Variants in IRAG2 observed in about 807,000 individuals in gnomAD.
The protein encoded by IRAG2 is inositol 1,4,5-triphosphate receptor associated 2.
A neutral mutation model predicts 69.9 loss-of-function variants in IRAG2; 45 were observed. The ratio of observed to expected loss-of-function variants is 0.64; its 90% CI spans 0.51 to 0.83. The LOEUF is 0.83. Ranked by LOEUF, IRAG2 falls within the 40% of genes least tolerant of loss-of-function variation. The pLI, the probability that IRAG2 is intolerant of heterozygous loss-of-function variation, is 0.00. For synonymous variants in IRAG2, 193 were observed against 202.4 expected (o/e 0.95, Z 0.40); for missense variants, 520 against 587.0 (o/e 0.89, Z 1.18).
intron 10 of IRAG2, among the ~76,000 whole-genome samples, chr12:25,084,648 C>A (rs1477549900): frequency 6.6e-6 from 1 of 151,768 alleles, no homozygotes; most frequent in African/African-American, 2.4e-5. Flanking sequence ...CCCATGCAAG[C>A]TAACTCAAGT....
chr12:25,105,426 GTTTA>G (rs1264122453), intron 20 of IRAG2, among the ~76,000 whole-genome samples: 4 of 151,982 alleles, frequency 2.6e-5, no homozygotes, highest in Non-Finnish European at 4.4e-5. Flanking sequence ...ATGATTTTAT[GTTTA>G]TTTATTTTAT....
At chr12:24,998,419 C>T in the IRAG2 span, among the ~76,000 whole-genome samples, 8 of 152,208 alleles carry the variant, frequency 5.3e-5, no homozygotes, top group South Asian at 2.1e-4. Flanking sequence ...ATCCTAGAAA[C>T]GGCAGGAAGA....
chr12:25,084,803 T>C (rs999398334), intron 10 of IRAG2, among the ~76,000 whole-genome samples: 1 of 152,246 alleles, frequency 6.6e-6, no homozygotes, highest in African/African-American at 2.4e-5. Flanking sequence ...CCAGAGGCGA[T>C]TGATTCCAAG....
chr12:25,038,469 C>G (rs1944721457), intron 16 of IRAG2, among the ~76,000 whole-genome samples: 1 of 151,990 alleles, frequency 6.6e-6, no homozygotes, highest in African/African-American at 2.4e-5. Flanking sequence ...ATGGTGAAAC[C>G]CTGTCTCTAC....
chr12:25,021,091 C>CTTTTTTTTTTTTTTCTTTTTTTTTT (rs71063389), intron 7 of IRAG2: 5 of 266,020 alleles, frequency 1.9e-5, no homozygotes, highest in Admixed American at 6.0e-5. Flanking sequence ...TCTTTCTTTT[C>CTTTTTTTTTTTTTTCTTTTTTTTTT]TTTTTTTTTT....
At chr12:25,018,757 A>G (rs1299572542) in intron 6 of IRAG2, among the ~76,000 whole-genome samples, 1 of 152,224 alleles carries the variant, frequency 6.6e-6, no homozygotes, top group Non-Finnish European at 1.5e-5. Flanking sequence ...CAAGAAATAT[A>G]TCAGAAAGGA....
At chr12:25,068,970 C>T (rs141824580) in intron 5 of IRAG2, among the ~76,000 whole-genome samples, 100 of 152,358 alleles carry the variant, frequency 6.6e-4, no homozygotes, top group African/African-American at 2.2e-3. Flanking sequence ...CCCTCATCCT[C>T]CTTCGGTGCT....
chr12:25,021,206 G>A (rs2139835419), intron 7 of IRAG2, among the ~76,000 whole-genome samples: 1 of 150,872 alleles, frequency 6.6e-6, no homozygotes, highest in East Asian at 2.0e-4. Flanking sequence ...CCAGGCTCAA[G>A]CGATCCTCTC....
chr12:25,104,123 G>T lies in IRAG2; in HGVS notation c.1046+65G>T, dbSNP rs372201330. The stretch of plus-strand genomic sequence containing the variant: ...ATTTTATACTTGGGCTAACCTAAAT[G>T]AGTGCTCAAATTAAGTGATATAGTA... On this transcript the variant is annotated intron_variant, in intron 19 of 21. Transcript: ENST00000556887. 2.7e-4 allele frequency: 370 copies of T among 1,346,500 alleles called. No homozygotes were observed. The African/African-American group carries it at 4.8e-3, about 18-fold the overall frequency. The allele number at this position is 1,346,500 out of a possible 1,614,324, so 83.4% of individuals were successfully genotyped here. A position where few individuals can be genotyped will look rare whatever the true frequency, so the allele number is the denominator to read the frequency against.
chr12:25,074,892 A>G (rs1946578081), intron 6 of IRAG2, among the ~76,000 whole-genome samples: 1 of 152,250 alleles, frequency 6.6e-6, no homozygotes, highest in South Asian at 2.1e-4. Flanking sequence ...GGATCAATTT[A>G]AAAATATCTC....
At chr12:25,021,502 A>C (rs2139836020) in intron 7 of IRAG2, among the ~76,000 whole-genome samples, 1 of 152,316 alleles carries the variant, frequency 6.6e-6, no homozygotes, top group Admixed American at 6.5e-5. Context: ...AAGCTCCATA[A>C]ATCATTCCTT....
At chr12:25,053,168 C>CT in intron 1 of IRAG2, among the ~76,000 whole-genome samples, 1 of 151,718 alleles carries the variant, frequency 6.6e-6, no homozygotes, top group East Asian at 1.9e-4. Flanking sequence ...CCCTTTTTGC[C>CT]TTTTTATTAT....
chr12:25,083,308 T>A (rs1947349061), intron 9 of IRAG2, 115 bp from the exon 10 acceptor site: 12 of 755,682 alleles, frequency 1.6e-5, no homozygotes, highest in South Asian at 1.4e-4. Context: ...ATTTGTCTCA[T>A]ATGTTAAGAC....
intron 7 of IRAG2, among the ~76,000 whole-genome samples, chr12:25,023,440 TA>T (rs1465384946): frequency 2.6e-5 from 4 of 152,230 alleles, no homozygotes; most frequent in African/African-American, 9.6e-5. Flanking sequence ...TTGAGGCTGT[TA>T]ATTGTAAAAC....
intron 9 of IRAG2, 103 bp downstream of exon 9, chr12:25,079,866 A>AT (rs995851065): frequency 3.5e-5 from 23 of 651,948 alleles, no homozygotes; most frequent in African/African-American, 7.4e-5. Flanking sequence ...ATGTTATTTA[A>AT]TTTTTTTTGT....
intron 6 of IRAG2, among the ~76,000 whole-genome samples, chr12:25,019,782 C>T (rs1036897770): frequency 6.6e-6 from 1 of 152,176 alleles, no homozygotes; most frequent in Admixed American, 6.5e-5. Flanking sequence ...TTCCCTGCCT[C>T]CTGTTTATAT....
intron 10 of IRAG2, chr12:25,031,206 C>G: frequency 1.3e-5 from 4 of 319,228 alleles, no homozygotes; most frequent in Non-Finnish European, 1.8e-5. Context: ...TGCGTATTGT[C>G]CTAACTTGAT....
intron 1 of IRAG2, among the ~76,000 whole-genome samples, chr12:25,056,713 T>C (rs2139926919): frequency 6.6e-6 from 1 of 152,316 alleles, no homozygotes; most frequent in East Asian, 1.9e-4. Context: ...GGTTATATAG[T>C]ATAGAAATTA....
At position 25,096,916 on chromosome 12, in the gene IRAG2, A is replaced by C. The variant is rs1948453608; in HGVS notation, c.613A>C (p.Thr205Pro). The C allele has an allele frequency of 1.9e-6, 3 of 1,612,074 alleles. No individual in the cohort carries two copies. Residue 205 changes from threonine (T) to proline (P), a missense_variant, in exon 15 of 22, where the codon ACA (threonine) becomes CCA (proline). Physicochemically the swap from Thr to Pro is conservative, Grantham distance 38. Transcript: ENST00000556887. Reference sequence around the variant, plus strand: ...TATGCTGTTTTCTATACAGTCTTTAACACCTCTGTGTGAAGATGACAACCA... The same window carrying C: ...TATGCTGTTTTCTATACAGTCTTTACCACCTCTGTGTGAAGATGACAACCA... ...TNCLKLLESL[T>P]PLCEDDNQAQ...
Sources: gnomAD v4.1 joint callset for allele counts (sites outside exome capture counted in the v4.1 genomes callset) on GRCh38, gnomAD v4.1.1 for gene constraint, MANE v1.5 for transcripts, NCBI Gene and HGNC (gene_info 2026-07-23, HGNC 2026-07-21) for gene names.